FIP1L1: variants seen among roughly 807,000 people sequenced by gnomAD.
FIP1L1 encodes the protein pre-mRNA 3'-end-processing factor FIP1.
In FIP1L1, 21 loss-of-function variants were observed where a neutral mutation model predicts 84.6. The ratio of observed to expected loss-of-function variants is 0.25; its 90% CI spans 0.18 to 0.36. The LOEUF (loss-of-function observed/expected upper bound fraction) is 0.36. Among genes scored for constraint, FIP1L1 ranks in the 10% least tolerant of loss-of-function variants. FIP1L1 has a pLI of 1.00. For synonymous variants in FIP1L1, 263 were observed against 242.3 expected (o/e 1.09, Z -0.80); for missense variants, 526 against 751.1 (o/e 0.70, Z 3.50).
chr4:53,427,286 T>A (rs1691651944), intron 12 of FIP1L1, among the ~76,000 whole-genome samples: 1 of 152,186 alleles, frequency 6.6e-6, no homozygotes, highest in South Asian at 2.1e-4. Flanking sequence ...TGGCTGTCTT[T>A]CCCAAATTTA....
chr4:53,451,490 C>T (rs1238858498), intron 15 of FIP1L1, among the ~76,000 whole-genome samples: 4 of 151,806 alleles, frequency 2.6e-5, no homozygotes, highest in African/African-American at 9.7e-5. Flanking sequence ...ACATCTTCGT[C>T]AAGTCGTCTT....
rs1310018974 is a variant in FIP1L1, at chr4:53,399,717, T to G, written c.706-13T>G. On this transcript the variant is annotated splice_polypyrimidine_tract_variant and intron_variant, in intron 9 of 17. Coordinates refer to ENST00000337488, the MANE Select transcript of FIP1L1 (RefSeq NM_030917.4). ...TGTTAAATTCAACAAGCTAATAACCTTTTTTTTTTAAGGTACAGCAGGGAA... is the reference window on the plus strand; with the variant it reads ...TGTTAAATTCAACAAGCTAATAACCGTTTTTTTTTAAGGTACAGCAGGGAA... 1.9e-6 allele frequency: 2 copies of G among 1,061,698 alleles called. No individual in the cohort carries two copies. 65.8% of individuals were successfully genotyped at this position (1,061,698 alleles called of 1,614,324 possible).
intron 10 of FIP1L1, among the ~76,000 whole-genome samples, chr4:53,404,326 C>T (rs1263010333): frequency 6.6e-6 from 1 of 151,876 alleles, no homozygotes; most frequent in African/African-American, 2.4e-5. Flanking sequence ...CATGTCCCTG[C>T]AAAGGACATG....
chr4:53,414,836 AT>A, intron 11 of FIP1L1, 114 bp downstream of exon 11: 1 of 673,624 alleles, frequency 1.5e-6, no homozygotes, highest in East Asian at 2.9e-5. Context: ...CCTCCAACTT[AT>A]GCTTTTTCAG....
At chr4:53,413,558 A>T (rs1294173221) in intron 10 of FIP1L1, among the ~76,000 whole-genome samples, 1 of 152,084 alleles carries the variant, frequency 6.6e-6, no homozygotes, top group Non-Finnish European at 1.5e-5. Flanking sequence ...TGGCTCCCAG[A>T]ATCTTGAAAT....
chr4:53,460,807 T>G lies in FIP1L1; in HGVS notation c.*1358T>G. On this transcript the variant is annotated 3_prime_UTR_variant, in exon 18 of 18. Transcript: ENST00000337488. ...TACTTTTCCTGACATTTTTACAATG[T>G]ATTCTTTCTTTAAATATAAAAACTG... 8.5e-7 allele frequency: 1 copy of G among 1,173,472 alleles called. No individual in the cohort carries two copies. Among genetic ancestry groups the G allele is most frequent in the Non-Finnish European group, 1.2e-6 (1 of 823,540 alleles). 72.7% of individuals were successfully genotyped at this position (1,173,472 alleles called of 1,614,324 possible). A position where few individuals can be genotyped will look rare whatever the true frequency, so the allele number is the denominator to read the frequency against.
chr4:53,409,836 C>T (rs1039948352), intron 10 of FIP1L1, among the ~76,000 whole-genome samples: 1 of 152,220 alleles, frequency 6.6e-6, no homozygotes, highest in African/African-American at 2.4e-5. Context: ...TTTTTAAGCC[C>T]ATTGGAAAAG....
At chr4:53,413,289 G>C (rs1474074060) in intron 10 of FIP1L1, among the ~76,000 whole-genome samples, 1 of 151,820 alleles carries the variant, frequency 6.6e-6, no homozygotes, top group Non-Finnish European at 1.5e-5. Flanking sequence ...AGTGGGGAAT[G>C]GTAATTAAAA....
rs566819896 is a variant in FIP1L1, at chr4:53,407,680, A to T, written c.816-6935A>T. Among the ~76,000 whole-genome samples, 18 of 150,858 alleles carry T rather than the reference A, an allele frequency of 1.2e-4. No homozygotes were observed. The South Asian group carries it at 3.8e-3, about 32-fold the overall frequency. On this transcript the variant is annotated intron_variant, in intron 10 of 17. Coordinates refer to ENST00000337488, the MANE Select transcript of FIP1L1 (RefSeq NM_030917.4). ...TAGGTCACTCAGGACTTGCTTTATG[A>T]TTCTGGGTGCATATATATTTAGGAT...
At chr4:53,383,521 G>A (rs1355218638) in intron 4 of FIP1L1, among the ~76,000 whole-genome samples, 1 of 152,150 alleles carries the variant, frequency 6.6e-6, no homozygotes, top group East Asian at 1.9e-4. Context: ...AATTAGTTGG[G>A]CATGGTGGCG....
In FIP1L1 at chr4:53,377,759, C is replaced by T. The variant is rs1164804078; in HGVS notation, c.-80C>T. 2.3e-5 allele frequency: 31 copies of T among 1,337,452 alleles called. No homozygotes were observed. Among genetic ancestry groups the T allele is most frequent in the African/African-American group, 3.0e-5 (2 of 66,222 alleles). 82.8% of individuals were successfully genotyped at this position (1,337,452 alleles called of 1,614,324 possible). On this transcript the variant is annotated 5_prime_UTR_variant, in exon 1 of 18. Transcript: ENST00000337488. ...TTCGTCGGCGGGTTCGCGCCCTTCT[C>T]GCGCCTCGGGGCTGCGAGGCTGGGG...
At chr4:53,408,689 C>T (rs1755244754) in intron 10 of FIP1L1, among the ~76,000 whole-genome samples, 2 of 152,074 alleles carry the variant, frequency 1.3e-5, no homozygotes, top group East Asian at 1.9e-4. Flanking sequence ...AGGCTTTGTT[C>T]GTTTCTTTTT....
At chr4:53,424,785 GAGGTCTA>G (rs1010356320) in intron 11 of FIP1L1, among the ~76,000 whole-genome samples, 6 of 152,094 alleles carry the variant, frequency 3.9e-5, no homozygotes, top group Non-Finnish European at 8.8e-5. Flanking sequence ...AAGGGGAGGG[GAGGTCTA>G]TAGTCTTTGG....
chr4:53,381,753 C>CTTTTTTTTTTTTTTTATTTTTTTTT (rs1738081978), intron 3 of FIP1L1, among the ~76,000 whole-genome samples: 1 of 87,948 alleles, frequency 1.1e-5, no homozygotes, highest in African/African-American at 5.6e-5. Flanking sequence ...CATTTGCATT[C>CTTTTTTTTTTTTTTTATTTTTTTTT]TTTTTTTTTT....
chr4:53,459,647 T>G lies in FIP1L1; in HGVS notation c.*198T>G, dbSNP rs1240776339. 4.2e-5 allele frequency: 29 copies of G among 698,156 alleles called. No homozygotes were observed. Among genetic ancestry groups the G allele is most frequent in the Admixed American group, 1.2e-4 (4 of 33,268 alleles). The allele number at this position is 698,156 out of a possible 1,614,324, so 43.2% of individuals were successfully genotyped here. A position where few individuals can be genotyped will look rare whatever the true frequency, so the allele number is the denominator to read the frequency against. ...TCTTTGTCTTGTACTATTTCAAAAATAAAAAGACAGCAATGACTTTATATC... is the reference window on the plus strand; with the variant it reads ...TCTTTGTCTTGTACTATTTCAAAAAGAAAAAGACAGCAATGACTTTATATC... On this transcript the variant is annotated 3_prime_UTR_variant, in exon 18 of 18. Transcript: ENST00000337488.
chr4:53,459,852 G>T lies in FIP1L1; in HGVS notation c.*403G>T. The stretch of plus-strand genomic sequence containing the variant: ...AAAAGGCAACAAAGGGCCCCTCTAA[G>T]GCTTGAGATTAAAACTAGTCTTTAT... On this transcript the variant is annotated 3_prime_UTR_variant, in exon 18 of 18. Coordinates refer to ENST00000337488, the MANE Select transcript of FIP1L1 (RefSeq NM_030917.4). 8.1e-6 allele frequency: 2 copies of T among 247,892 alleles called. No homozygotes were observed. Among genetic ancestry groups the T allele is most frequent in the South Asian group, 1.2e-4 (1 of 8,452 alleles). The allele number at this position is 247,892 out of a possible 1,614,324, so 15.4% of individuals were successfully genotyped here.
intron 16 of FIP1L1, among the ~76,000 whole-genome samples, chr4:53,456,884 A>G (rs2150458680): frequency 6.6e-6 from 1 of 152,258 alleles, no homozygotes; most frequent in Non-Finnish European, 1.5e-5. Context: ...GTTTTAGGGT[A>G]AGAGGAAAAA....
chr4:53,378,943 G>C, intron 1 of FIP1L1, 130 bp from the exon 2 acceptor site: 1 of 882,938 alleles, frequency 1.1e-6, no homozygotes. Flanking sequence ...CTTTTACAAA[G>C]ATCTGGAAAT....
At chr4:53,400,284 C>T (rs1749549125) in intron 10 of FIP1L1, among the ~76,000 whole-genome samples, 1 of 152,132 alleles carries the variant, frequency 6.6e-6, no homozygotes, top group Non-Finnish European at 1.5e-5. Flanking sequence ...AAATTGGAAC[C>T]ATTTGTTGTT....
Sources: allele counts gnomAD v4.1 joint callset (sites outside exome capture counted in the v4.1 genomes callset), GRCh38; gene constraint gnomAD v4.1.1; transcripts MANE v1.5; gene names NCBI Gene and HGNC (gene_info 2026-07-23, HGNC 2026-07-21).